Variants in DPP10 observed in about 807,000 individuals in gnomAD.
DPP10 encodes the protein dipeptidyl peptidase like 10, also known as inactive dipeptidyl peptidase 10.
In DPP10, 33 loss-of-function variants were observed where a neutral mutation model predicts 120.9. The observed-to-expected ratio is 0.27, with a 90% CI of 0.21 to 0.37. The LOEUF (loss-of-function observed/expected upper bound fraction) is 0.37. Ranked by LOEUF, DPP10 falls within the 10% of genes least tolerant of loss-of-function variation. DPP10 has a pLI of 1.00. For missense variants in DPP10, 816 were observed against 942.8 expected, an observed-to-expected ratio of 0.87 and a Z score of 1.76; for synonymous variants, 337 against 326.1, an observed-to-expected ratio of 1.03 and a Z score of -0.36.
intron 10 of DPP10, among the ~76,000 whole-genome samples, chr2:115,747,828 C>T (rs940692469): frequency 6.6e-6 from 1 of 152,072 alleles, no homozygotes; most frequent in Non-Finnish European, 1.5e-5. Flanking sequence ...CTCTTGACCT[C>T]GTGATCCGCC....
At chr2:114,775,963 C>T (rs1279923745) in intron 1 of DPP10, among the ~76,000 whole-genome samples, 2 of 152,046 alleles carry the variant, frequency 1.3e-5, no homozygotes, top group African/African-American at 2.4e-5. Context: ...TTCATGGAGG[C>T]ACATGGGAAG....
intron 3 of DPP10, among the ~76,000 whole-genome samples, chr2:115,475,866 T>C (rs1457534437): frequency 6.6e-6 from 1 of 152,212 alleles, no homozygotes; most frequent in African/African-American, 2.4e-5. Flanking sequence ...GCCTCTTTCT[T>C]TTGACCAATT....
chr2:115,827,071 CTA>C (rs1211474036), intron 21 of DPP10, among the ~76,000 whole-genome samples: 1 of 151,618 alleles, frequency 6.6e-6, no homozygotes, highest in Admixed American at 6.6e-5. Context: ...AAAATTTTGT[CTA>C]GTGTGCTTTA....
intron 5 of DPP10, among the ~76,000 whole-genome samples, chr2:115,585,813 C>G (rs1480415384): frequency 6.6e-6 from 1 of 152,158 alleles, no homozygotes; most frequent in Non-Finnish European, 1.5e-5. Flanking sequence ...GCCACTTCCT[C>G]ACACAAAAGG....
At chr2:114,588,077 C>T (rs1388446193) in intron 1 of DPP10, among the ~76,000 whole-genome samples, 3 of 152,178 alleles carry the variant, frequency 2.0e-5, no homozygotes, top group East Asian at 1.9e-4. Flanking sequence ...GCTGACTTTT[C>T]CTCATTGCTT....
intron 5 of DPP10, among the ~76,000 whole-genome samples, chr2:115,619,281 T>C (rs1453929381): frequency 6.6e-6 from 1 of 151,294 alleles, no homozygotes; most frequent in Non-Finnish European, 1.5e-5. Context: ...TTCACCATGT[T>C]AGCCAGGATA....
At chr2:115,638,490 G>A (rs905565914) in intron 5 of DPP10, among the ~76,000 whole-genome samples, 5 of 152,138 alleles carry the variant, frequency 3.3e-5, no homozygotes, top group African/African-American at 1.2e-4. Flanking sequence ...AGCTGTTTTT[G>A]TGCTCTCTCA....
At chr2:114,723,533 A>G (rs1213573705) in intron 1 of DPP10, among the ~76,000 whole-genome samples, 2 of 152,240 alleles carry the variant, frequency 1.3e-5, no homozygotes, top group Non-Finnish European at 2.9e-5. Context: ...TAAGAAAAGT[A>G]AAGAGTTCAT....
intron 8 of DPP10, 105 bp downstream of exon 8, chr2:115,728,041 TC>T: frequency 7.6e-7 from 1 of 1,310,636 alleles, no homozygotes; most frequent in Non-Finnish European, 1.0e-6. Context: ...CAGTACAGTT[TC>T]TTCTCATTTT....
chr2:114,645,727 A>G (rs902313425), intron 1 of DPP10, among the ~76,000 whole-genome samples: 1 of 152,158 alleles, frequency 6.6e-6, no homozygotes. Context: ...CACTAGACTG[A>G]AGCTTGCCAA....
At chr2:115,674,147 C>G (rs1042379084) in intron 5 of DPP10, among the ~76,000 whole-genome samples, 7 of 152,092 alleles carry the variant, frequency 4.6e-5, no homozygotes, top group African/African-American at 1.7e-4. Flanking sequence ...ATCGCTTGAA[C>G]CTGGGAGGCA....
intron 1 of DPP10, among the ~76,000 whole-genome samples, chr2:115,187,677 A>T (rs944650142): frequency 3.4e-4 from 51 of 152,224 alleles, no homozygotes; most frequent in African/African-American, 1.2e-3. Context: ...GGAAGCAGGG[A>T]TGAAATATAA....
intron 1 of DPP10, among the ~76,000 whole-genome samples, chr2:115,286,805 G>A (rs2060424578): frequency 6.6e-6 from 1 of 151,604 alleles, no homozygotes; most frequent in African/African-American, 2.4e-5. Context: ...CTGAGAAAGT[G>A]TCTAATTTAG....
At chr2:115,056,891 C>G (rs1269084312) in intron 1 of DPP10, among the ~76,000 whole-genome samples, 2 of 152,306 alleles carry the variant, frequency 1.3e-5, no homozygotes, top group Admixed American at 6.5e-5. Context: ...TCTAAAACAG[C>G]TTATTAAAAA....
At chr2:115,731,064 A>C (rs1336294472) in intron 8 of DPP10, among the ~76,000 whole-genome samples, 1 of 152,016 alleles carries the variant, frequency 6.6e-6, no homozygotes, top group African/African-American at 2.4e-5. Flanking sequence ...GTCTCTACTA[A>C]AAATACAAAA....
At chr2:115,264,877 G>A (rs1321023237) in intron 1 of DPP10, among the ~76,000 whole-genome samples, 2 of 152,070 alleles carry the variant, frequency 1.3e-5, no homozygotes, top group Non-Finnish European at 2.9e-5. Context: ...CTATGTAATA[G>A]TACATGAAAG....
At chr2:115,171,742 A>G (rs1474022094) in intron 1 of DPP10, among the ~76,000 whole-genome samples, 2 of 151,926 alleles carry the variant, frequency 1.3e-5, no homozygotes, top group Non-Finnish European at 2.9e-5. Context: ...AAAAAAAACA[A>G]GTTTTAAAAT....
chr2:115,620,738 A>G (rs2084884403), intron 5 of DPP10, among the ~76,000 whole-genome samples: 1 of 152,196 alleles, frequency 6.6e-6, no homozygotes. Flanking sequence ...TGCCTATTCT[A>G]ATCAGATCCC....
intron 1 of DPP10, among the ~76,000 whole-genome samples, chr2:115,164,933 CT>C: frequency 6.6e-6 from 1 of 152,254 alleles, no homozygotes; most frequent in South Asian, 2.1e-4. Context: ...TCTTAGTAAT[CT>C]TTCTTTTAAA....
Sources: gnomAD v4.1 joint callset for allele counts (sites outside exome capture counted in the v4.1 genomes callset) on GRCh38, gnomAD v4.1.1 for gene constraint, MANE v1.5 for transcripts, NCBI Gene and HGNC (gene_info 2026-07-23, HGNC 2026-07-21) for gene names.